Variants in EIF2AK1 observed in about 807,000 individuals in gnomAD.
EIF2AK1 encodes the protein eukaryotic translation initiation factor 2 alpha kinase 1.
Under a neutral mutation model 77.9 loss-of-function variants are expected in EIF2AK1, and 54 were observed. That is an observed-to-expected ratio of 0.69 (90% CI 0.56 to 0.87). EIF2AK1 has a LOEUF of 0.87. EIF2AK1 is among the 40% of genes least tolerant of loss of function. EIF2AK1 has a pLI of 0.00. For missense variants in EIF2AK1, 810 were observed against 768.6 expected, an observed-to-expected ratio of 1.05 and a Z score of -0.64; for synonymous variants, 314 against 290.5, an observed-to-expected ratio of 1.08 and a Z score of -0.82.
chr7:6,058,386 C>G (rs984370782), intron 1 of EIF2AK1: 1 of 275,518 alleles, frequency 3.6e-6, no homozygotes, highest in Non-Finnish European at 7.3e-6. Context: ...CACTGCACTC[C>G]AGCCTGGGTG....
intron 7 of EIF2AK1, 63 bp from the exon 8 acceptor site, chr7:6,043,056 C>CA: frequency 6.6e-7 from 1 of 1,520,212 alleles, no homozygotes; most frequent in Non-Finnish European, 9.1e-7. Flanking sequence ...TAGTCAAAGA[C>CA]AGAGTTAAAA....
chr7:6,035,901 G>C lies in EIF2AK1; in HGVS notation c.1332+1523C>G. ...AGCAGGCCGACTCCTCGGGGCGGGG[G>C]TCAGCTGCATCCGTCTGCTACTCAC... On this transcript the variant is annotated intron_variant, in intron 11 of 14. Transcript: ENST00000199389. The surrounding 1 kb of genome is among the most constrained non-coding windows in gnomAD (Gnocchi z 5.5). The C allele has an allele frequency of 6.5e-7, 1 of 1,546,870 alleles. No individual in the cohort carries two copies. The highest frequency in any genetic ancestry group is 8.7e-7 in the Non-Finnish European group (1 of 1,144,632).
At chr7:6,052,029 G>A (rs148433842) in intron 2 of EIF2AK1, among the ~76,000 whole-genome samples, 3,581 of 151,782 alleles carry the variant, frequency 0.024, 130 homozygotes, top group African/African-American at 0.081. Flanking sequence ...AAAATCAGCC[G>A]GGCGTGGTGG....
intron 14 of EIF2AK1, 122 bp downstream of exon 14, chr7:6,026,606 C>T (rs903804138): frequency 1.3e-6 from 1 of 796,474 alleles, no homozygotes; most frequent in Non-Finnish European, 2.2e-6. Context: ...GCCCCGCCTC[C>T]AGAACCATCA....
intron 4 of EIF2AK1, among the ~76,000 whole-genome samples, chr7:6,047,467 G>A (rs1355504068): frequency 6.6e-6 from 1 of 152,070 alleles, no homozygotes; most frequent in Non-Finnish European, 1.5e-5. Context: ...GAGGTCAGGA[G>A]TTCAAGACCA....
intron 11 of EIF2AK1, 54 bp downstream of exon 11, chr7:6,037,370 C>A: frequency 8.8e-7 from 1 of 1,138,038 alleles, no homozygotes; most frequent in Non-Finnish European, 1.3e-6. Flanking sequence ...AACATCAAGT[C>A]GTCCCTGATA....
At position 6,042,798 on chromosome 7, in the gene EIF2AK1, G is replaced by A. The variant is rs1327194299; in HGVS notation, c.791+135C>T. Reference sequence around the variant, plus strand: ...GGAGAATCACTGCAACACAGGAGGCGGAGGTTGCAGTGAGCCAAGATTGTG... The same window carrying A: ...GGAGAATCACTGCAACACAGGAGGCAGAGGTTGCAGTGAGCCAAGATTGTG... On this transcript the variant is annotated intron_variant, in intron 8 of 14. Coordinates refer to ENST00000199389, the MANE Select transcript of EIF2AK1 (RefSeq NM_014413.4). 6 of 634,602 alleles carry A rather than the reference G, an allele frequency of 9.5e-6. No individual in the cohort carries two copies. In the East Asian group the frequency reaches 1.1e-4, roughly 12 times the overall value. The allele number at this position is 634,602 out of a possible 1,614,324, so 39.3% of individuals were successfully genotyped here.
intron 9 of EIF2AK1, among the ~76,000 whole-genome samples, chr7:6,039,019 A>G (rs1788191535): frequency 6.6e-6 from 1 of 152,194 alleles, no homozygotes; most frequent in Non-Finnish European, 1.5e-5. Flanking sequence ...TGCTCGCTAC[A>G]TAAACAGTTT....
chr7:6,024,811 G>C lies in EIF2AK1; in HGVS notation c.1765-10C>G. The C allele has an allele frequency of 7.0e-7, 1 of 1,429,320 alleles. No homozygotes were observed. Among genetic ancestry groups the C allele is most frequent in the Non-Finnish European group, 9.3e-7 (1 of 1,070,534 alleles). 88.5% of individuals were successfully genotyped at this position (1,429,320 alleles called of 1,614,324 possible). Reference sequence around the variant, plus strand: ...GTAGGGTGAGGTTAACCTGTAAGGAGAAAATATTTTAAACTCCATTAAAAT... The same window carrying C: ...GTAGGGTGAGGTTAACCTGTAAGGACAAAATATTTTAAACTCCATTAAAAT... On this transcript the variant is annotated splice_polypyrimidine_tract_variant and intron_variant, in intron 14 of 14. Transcript: ENST00000199389.
intron 1 of EIF2AK1, chr7:6,058,111 C>T: frequency 2.2e-6 from 1 of 455,638 alleles, no homozygotes; most frequent in Middle Eastern, 3.3e-4. Context: ...TAAACAAAAG[C>T]CTCAAGAAAA....
At chr7:6,046,533 C>T (rs1452086981) in intron 5 of EIF2AK1, 1 of 164,304 alleles carries the variant, frequency 6.1e-6, no homozygotes, top group Non-Finnish European at 1.3e-5. Context: ...TGCCCACTTC[C>T]CTGTACATGA....
intron 2 of EIF2AK1, among the ~76,000 whole-genome samples, chr7:6,052,680 C>G (rs1583498841): frequency 6.7e-6 from 1 of 149,472 alleles, no homozygotes; most frequent in Non-Finnish European, 1.5e-5. Flanking sequence ...ACTATGTCAC[C>G]CAGACTGGAG....
chr7:6,025,306 G>C (rs1220268395), intron 14 of EIF2AK1, among the ~76,000 whole-genome samples: 4 of 152,112 alleles, frequency 2.6e-5, no homozygotes, highest in African/African-American at 9.7e-5. Flanking sequence ...CTGTGGCTGG[G>C]CATGGTAGCT....
At chr7:6,056,154 G>A (rs960625447) in intron 1 of EIF2AK1, among the ~76,000 whole-genome samples, 10 of 149,288 alleles carry the variant, frequency 6.7e-5, no homozygotes, top group East Asian at 2.0e-4. Context: ...TTAGGTGAGC[G>A]TGGTGGTGTG....
chr7:6,036,000 G>A lies in EIF2AK1; in HGVS notation c.1332+1424C>T. On this transcript the variant is annotated intron_variant, in intron 11 of 14. Transcript: ENST00000199389. The surrounding 1 kb of genome is among the most constrained non-coding windows in gnomAD (Gnocchi z 5.5). ...CCATGAGGCATGCTTTGGAGGCAGA[G>A]AGGCAATCATCAATCTCCTGCTTGA... is the stretch of plus-strand genomic sequence containing the variant. The A allele has an allele frequency of 6.4e-7, 1 of 1,551,102 alleles. No homozygotes were observed. The highest frequency in any genetic ancestry group is 8.7e-7 in the Non-Finnish European group (1 of 1,147,126).
At chr7:6,046,870 C>A in intron 5 of EIF2AK1, 122 bp downstream of exon 5, 1 of 923,014 alleles carries the variant, frequency 1.1e-6, no homozygotes, top group Admixed American at 3.1e-5. Flanking sequence ...CCGCGCACTC[C>A]AGCCTGGCGA....
intron 11 of EIF2AK1, among the ~76,000 whole-genome samples, chr7:6,034,175 C>T (rs1276823735): frequency 2.0e-5 from 3 of 151,848 alleles, no homozygotes; most frequent in East Asian, 2.0e-4. Context: ...GGCGTGGTGG[C>T]GGGCGCCTGT....
At chr7:6,041,269 T>C (rs777569291) in intron 8 of EIF2AK1, 50 bp from the exon 9 acceptor site, 12 of 1,535,012 alleles carry the variant, frequency 7.8e-6, no homozygotes, top group Non-Finnish European at 9.6e-6. Context: ...CCGAGCACAG[T>C]GGCTCATGCC....
rs759973375 is a variant in EIF2AK1, at chr7:6,023,578, G to C, written c.*1095C>G. 1.2e-6 allele frequency: 2 copies of C among 1,614,258 alleles called. No homozygotes were observed. Among genetic ancestry groups the C allele is most frequent in the African/African-American group, 1.3e-5 (1 of 75,072 alleles). On this transcript the variant is annotated 3_prime_UTR_variant, in exon 15 of 15. Transcript: ENST00000199389. ...CGTAGCAGACGTGGTGCTGTGGTCT[G>C]TACTCCAGCAGATCGGAGGCTGCAG...
Sources: allele counts gnomAD v4.1 joint callset (sites outside exome capture counted in the v4.1 genomes callset), GRCh38; gene constraint gnomAD v4.1.1; non-coding constraint Gnocchi (gnomAD v3.1); transcripts MANE v1.5; gene names NCBI Gene and HGNC (gene_info 2026-07-23, HGNC 2026-07-21).